ADAM32: variants seen among roughly 807,000 people sequenced by gnomAD.
ADAM32 encodes the protein ADAM metallopeptidase domain 32, also known as disintegrin and metalloproteinase domain-containing protein 32.
ADAM32 carries 89 observed loss-of-function variants against 114.9 expected under a neutral mutation model. That is an observed-to-expected ratio of 0.77 (90% CI 0.65 to 0.92). The LOEUF (loss-of-function observed/expected upper bound fraction) is 0.92. ADAM32 is among the 40% of genes least tolerant of loss of function. ADAM32 has a pLI of 0.00. For synonymous variants in ADAM32, 285 were observed against 307.5 expected (o/e 0.93, Z 0.77); for missense variants, 870 against 932.8 (o/e 0.93, Z 0.88).
intron 10 of ADAM32, among the ~76,000 whole-genome samples, chr8:39,179,637 G>A (rs185126745): frequency 6.2e-4 from 94 of 152,296 alleles, no homozygotes; most frequent in African/African-American, 2.2e-3. Context: ...GAAAAGCACG[G>A]TTTTCAAGGT....
chr8:39,186,869 G>T, intron 10 of ADAM32, 40 bp from the exon 11 acceptor site: 1 of 1,496,908 alleles, frequency 6.7e-7, no homozygotes, highest in South Asian at 1.3e-5. Context: ...ACCCTTTAGA[G>T]AATTATCTTT....
intron 11 of ADAM32, among the ~76,000 whole-genome samples, chr8:39,209,147 A>G (rs1263905120): frequency 6.6e-6 from 1 of 152,172 alleles, no homozygotes; most frequent in Non-Finnish European, 1.5e-5. Flanking sequence ...CACTGATCCA[A>G]TAAGTGTTAT....
chr8:39,137,940 T>C (rs1802904236), intron 3 of ADAM32, among the ~76,000 whole-genome samples: 1 of 152,196 alleles, frequency 6.6e-6, no homozygotes, highest in East Asian at 1.9e-4. Flanking sequence ...AGAGCTCACA[T>C]TGCATTTGAA....
rs117525300 is a variant in ADAM32 at position 39,153,640 on chromosome 8, C to A, written c.525+2092C>A. 4.2e-3 allele frequency among the ~76,000 whole-genome samples: 638 copies of A among 152,298 alleles called. 1 individual carries two copies. Among genetic ancestry groups the A allele is most frequent in the Non-Finnish European group, 6.2e-3 (420 of 68,038 alleles). On this transcript the variant is annotated intron_variant, in intron 6 of 24. Transcript: ENST00000379907. ...GGACAACTCTGTAGCACAACTTACACACCAGATTTTCTCTGTGGGACTGTG... is the reference window on the plus strand; with the variant it reads ...GGACAACTCTGTAGCACAACTTACAAACCAGATTTTCTCTGTGGGACTGTG...
chr8:39,131,903 T>C (rs1802481652), intron 2 of ADAM32: 1 of 197,594 alleles, frequency 5.1e-6, no homozygotes, highest in Non-Finnish European at 1.1e-5. Flanking sequence ...TTTTGTTTTT[T>C]ATTTTTTGAG....
chr8:39,264,598 T>A (rs759179979), intron 19 of ADAM32, among the ~76,000 whole-genome samples: 25 of 152,092 alleles, frequency 1.6e-4, no homozygotes, highest in Non-Finnish European at 5.9e-5. Flanking sequence ...AGCTTTGGGG[T>A]TGGTTTGCTC....
chr8:39,256,787 A>C (rs1811671932), intron 18 of ADAM32, among the ~76,000 whole-genome samples: 1 of 152,048 alleles, frequency 6.6e-6, no homozygotes, highest in Non-Finnish European at 1.5e-5. Context: ...AAAAGCCAAC[A>C]ATCTACCAAA....
chr8:39,158,285 T>G (rs1478280000), intron 6 of ADAM32: 1 of 177,604 alleles, frequency 5.6e-6, no homozygotes, highest in Non-Finnish European at 1.2e-5. Context: ...CTTGTCATCC[T>G]CACCCTGCAG....
chr8:39,234,528 T>C (rs1293208244), intron 16 of ADAM32, among the ~76,000 whole-genome samples: 2 of 152,208 alleles, frequency 1.3e-5, no homozygotes, highest in Non-Finnish European at 2.9e-5. Context: ...ATCTAGCTAG[T>C]CTGAGATATC....
In ADAM32 at chr8:39,177,744, G is replaced by A. The variant is rs143618076; in HGVS notation, c.915+7747G>A. Reference sequence around the variant, plus strand: ...CCTCAGCATTTGCTTGTCTGAAAAGGATCTTATTTCTCTTTTGTTTATGAA... The same window carrying A: ...CCTCAGCATTTGCTTGTCTGAAAAGAATCTTATTTCTCTTTTGTTTATGAA... On this transcript the variant is annotated intron_variant, in intron 10 of 24. Transcript: ENST00000379907. Among the ~76,000 whole-genome samples the A allele has an allele frequency of 4.9e-3, 739 of 149,996 alleles. 4 individuals carry two copies. Among genetic ancestry groups the A allele is most frequent in the Non-Finnish European group, 8.2e-3 (549 of 66,742 alleles).
Position 39,257,314 on chromosome 8 carries a change from C to T in ADAM32, c.2133C>T (p.Phe711=), listed in dbSNP as rs373628246. 5.1e-4 allele frequency: 817 copies of T among 1,613,036 alleles called. 9 individuals are homozygous for T. The South Asian group carries it at 8.5e-3, about 17-fold the overall frequency. Residue 711 remains phenylalanine (F), a synonymous_variant, in exon 19 of 25, where the codon TTC becomes TTT. Transcript: ENST00000379907. ...VLARKQLKKW[F]AKEEEFPSSE... ...CAAGGAAACAGTTGAAAAAGTGGTT[C>T]GCCAAGGAAGAGGAATTCCCAAGTA...
At chr8:39,107,685 G>T, upstream of ADAM32, 2 of 1,541,518 alleles carry the variant, frequency 1.3e-6, no homozygotes, top group Non-Finnish European at 1.7e-6. Flanking sequence ...ATGAACGTGC[G>T]GGGAGCGGCC....
intron 6 of ADAM32, among the ~76,000 whole-genome samples, chr8:39,152,436 A>G (rs1803887322): frequency 6.6e-6 from 1 of 152,136 alleles, no homozygotes; most frequent in Admixed American, 6.5e-5. Flanking sequence ...AGAAAAAAAT[A>G]CCAGGCCAGG....
intron 7 of ADAM32, among the ~76,000 whole-genome samples, chr8:39,163,217 T>A (rs1232994308): frequency 6.6e-6 from 1 of 152,172 alleles, no homozygotes; most frequent in Non-Finnish European, 1.5e-5. Context: ...TGTTTTAAAA[T>A]GTAGGTTTTA....
At chr8:39,183,616 C>A (rs1230142845) in intron 10 of ADAM32, among the ~76,000 whole-genome samples, 1 of 152,172 alleles carries the variant, frequency 6.6e-6, no homozygotes, top group Non-Finnish European at 1.5e-5. Flanking sequence ...GAAATGGCAC[C>A]AAGTTTTGGC....
chr8:39,116,346 CG>C (rs2129444235), intron 1 of ADAM32, among the ~76,000 whole-genome samples: 1 of 152,160 alleles, frequency 6.6e-6, no homozygotes, highest in African/African-American at 2.4e-5. Context: ...CTTTTAACAA[CG>C]TTGATTCTTC....
intron 19 of ADAM32, 130 bp downstream of exon 19, chr8:39,257,473 T>C: frequency 8.8e-7 from 1 of 1,131,506 alleles, no homozygotes; most frequent in Non-Finnish European, 1.2e-6. Context: ...CAATATGTCA[T>C]TTAATTTTAT....
chr8:39,122,900 T>G (rs1191846467), intron 2 of ADAM32, among the ~76,000 whole-genome samples: 2 of 152,216 alleles, frequency 1.3e-5, no homozygotes, highest in African/African-American at 4.8e-5. Flanking sequence ...TCACCATGCC[T>G]GTAATATTTT....
intron 12 of ADAM32, among the ~76,000 whole-genome samples, chr8:39,211,912 T>A (rs1382021582): frequency 1.3e-5 from 2 of 152,346 alleles, no homozygotes; most frequent in East Asian, 3.9e-4. Flanking sequence ...CATCCATAGG[T>A]CTGAATTACT....
Sources: allele counts gnomAD v4.1 joint callset (sites outside exome capture counted in the v4.1 genomes callset), GRCh38; gene constraint gnomAD v4.1.1; transcripts MANE v1.5; gene names NCBI Gene and HGNC (gene_info 2026-07-23, HGNC 2026-07-21).